Variants in STPG2 observed in about 807,000 individuals in gnomAD.
The protein encoded by STPG2 is sperm tail PG-rich repeat containing 2.
Under a neutral mutation model 54.2 loss-of-function variants are expected in STPG2, and 56 were observed. That is an observed-to-expected ratio of 1.03 (90% confidence interval 0.83 to 1.29). The LOEUF is 1.29. Ranked by LOEUF, STPG2 falls within the 50% of genes most tolerant of loss-of-function variation. The probability of loss-of-function intolerance (pLI) is 0.00; values close to 1 mark genes in which losing one functional copy is unlikely to be tolerated. For missense variants in STPG2, 596 were observed against 544.9 expected, an observed-to-expected ratio of 1.09 and a Z score of -0.93; for synonymous variants, 200 against 181.8, an observed-to-expected ratio of 1.10 and a Z score of -0.81.
chr4:97,463,296 C>T (rs946005303), intron 4 of STPG2, among the ~76,000 whole-genome samples: 5 of 152,070 alleles, frequency 3.3e-5, no homozygotes, highest in Non-Finnish European at 5.9e-5. Flanking sequence ...AATTTATGCA[C>T]ATGTTTATAT....
chr4:97,849,486 C>A (rs1217873523), intron 8 of STPG2, among the ~76,000 whole-genome samples: 3 of 151,764 alleles, frequency 2.0e-5, no homozygotes, highest in Non-Finnish European at 4.4e-5. Context: ...AACAGGCAAC[C>A]TACAACATGG....
At chr4:98,014,377 C>T (rs994688637) in intron 5 of STPG2, among the ~76,000 whole-genome samples, 17 of 152,172 alleles carry the variant, frequency 1.1e-4, no homozygotes, top group Middle Eastern at 3.4e-3. Flanking sequence ...AGGTGGGCTG[C>T]GGCAACACAC....
At chr4:97,969,006 G>C (rs1332753553) in intron 7 of STPG2, among the ~76,000 whole-genome samples, 5 of 152,260 alleles carry the variant, frequency 3.3e-5, no homozygotes, top group Admixed American at 6.5e-5. Context: ...CCCTTGTGGA[G>C]AGCCTATAAA....
At chr4:97,931,991 G>C (rs1017762062) in intron 8 of STPG2, among the ~76,000 whole-genome samples, 1 of 152,076 alleles carries the variant, frequency 6.6e-6, no homozygotes, top group African/African-American at 2.4e-5. Flanking sequence ...ATGTGTCCAG[G>C]AATTTACCCA....
At chr4:97,556,035 T>A (rs1197699272), downstream of STPG2, among the ~76,000 whole-genome samples, 1 of 152,116 alleles carries the variant, frequency 6.6e-6, no homozygotes, top group Non-Finnish European at 1.5e-5. Flanking sequence ...TTATCCTGCT[T>A]AAGATTTGAG....
intron 8 of STPG2, among the ~76,000 whole-genome samples, chr4:97,883,010 C>A (rs1730434111): frequency 7.0e-6 from 1 of 142,650 alleles, no homozygotes. Flanking sequence ...CACACAAGTA[C>A]ACACAAAATT....
chr4:98,141,312 C>A (rs1453480833), intron 1 of STPG2, among the ~76,000 whole-genome samples: 1 of 152,182 alleles, frequency 6.6e-6, no homozygotes, highest in African/African-American at 2.4e-5. Context: ...AGAGAATACC[C>A]TTTCCCCTTC....
intron 10 of STPG2, among the ~76,000 whole-genome samples, chr4:97,637,679 A>G (rs548932712): frequency 3.7e-4 from 57 of 152,218 alleles, no homozygotes; most frequent in Non-Finnish European, 7.9e-4. Context: ...AAAAATCACA[A>G]GCATTCCTAT....
At chr4:97,546,944 A>T (rs908752968) in intron 4 of STPG2, among the ~76,000 whole-genome samples, 2 of 152,198 alleles carry the variant, frequency 1.3e-5, no homozygotes, top group African/African-American at 4.8e-5. Flanking sequence ...AATATAGAAG[A>T]GACATATAAT....
At chr4:97,650,923 A>G (rs1722047857) in intron 10 of STPG2, among the ~76,000 whole-genome samples, 1 of 152,112 alleles carries the variant, frequency 6.6e-6, no homozygotes, top group African/African-American at 2.4e-5. Flanking sequence ...GTCACGATAT[A>G]TAGGGTTAAA....
chr4:97,907,916 T>G (rs766804372), intron 8 of STPG2, among the ~76,000 whole-genome samples: 2 of 152,190 alleles, frequency 1.3e-5, no homozygotes, highest in Admixed American at 6.5e-5. Context: ...ATAAAAACCC[T>G]AGAAGAAAAC....
At chr4:97,727,975 T>C (rs1724676271) in intron 9 of STPG2, among the ~76,000 whole-genome samples, 1 of 152,002 alleles carries the variant, frequency 6.6e-6, no homozygotes, top group African/African-American at 2.4e-5. Flanking sequence ...GCCATTTATA[T>C]CATCTTTGGT....
chr4:98,000,891 C>G (rs1735391976), intron 5 of STPG2, among the ~76,000 whole-genome samples: 1 of 151,980 alleles, frequency 6.6e-6, no homozygotes, highest in Middle Eastern at 3.4e-3. Flanking sequence ...GAAATGGAAA[C>G]CAAAAGTAGC....
chr4:97,997,218 TTAGTTCATTC>T (rs1735269208), intron 5 of STPG2, among the ~76,000 whole-genome samples: 1 of 152,162 alleles, frequency 6.6e-6, no homozygotes, highest in Non-Finnish European at 1.5e-5. Context: ...ACTGGATGTA[TTAGTTCATTC>T]TCACATTGCT....
intron 9 of STPG2, among the ~76,000 whole-genome samples, chr4:97,719,991 T>C (rs979327805): frequency 8.6e-5 from 13 of 151,950 alleles, no homozygotes; most frequent in African/African-American, 3.1e-4. Context: ...AAAAAGACTT[T>C]CTTTTCAGTA....
chr4:97,770,759 G>T (rs1726193450), intron 9 of STPG2, among the ~76,000 whole-genome samples: 1 of 152,144 alleles, frequency 6.6e-6, no homozygotes, highest in Non-Finnish European at 1.5e-5. Context: ...AGTACCAGAG[G>T]AACTAAAACT....
At chr4:97,824,670 T>C (rs1413906845) in intron 9 of STPG2, among the ~76,000 whole-genome samples, 1 of 152,042 alleles carries the variant, frequency 6.6e-6, no homozygotes, top group Non-Finnish European at 1.5e-5. Context: ...GGACAGAAAT[T>C]TGGGGGTTCA....
chr4:98,091,951 C>T (rs1738705952), intron 5 of STPG2, among the ~76,000 whole-genome samples: 1 of 151,892 alleles, frequency 6.6e-6, no homozygotes, highest in Non-Finnish European at 1.5e-5. Flanking sequence ...GAATTCTTTA[C>T]CACTAAACCA....
At chr4:97,659,051 A>G (rs1328368916) in intron 10 of STPG2, among the ~76,000 whole-genome samples, 1 of 152,154 alleles carries the variant, frequency 6.6e-6, no homozygotes, top group East Asian at 1.9e-4. Context: ...TTCCTACAGT[A>G]AATATTAATA....
Sources: allele counts gnomAD v4.1 joint callset (sites outside exome capture counted in the v4.1 genomes callset), GRCh38; gene constraint gnomAD v4.1.1; transcripts MANE v1.5; gene names NCBI Gene and HGNC (gene_info 2026-07-23, HGNC 2026-07-21).